The following SLC22A2 variants were observed in gnomAD, a reference collection of about 807,000 sequenced individuals.
SLC22A2 encodes the protein organic cation transporter 2.
In SLC22A2, 46 loss-of-function variants were observed where a neutral mutation model predicts 60.5. The observed-to-expected ratio is 0.76, with a 90% CI of 0.60 to 0.97. The LOEUF (loss-of-function observed/expected upper bound fraction) is 0.97. Ranked by LOEUF, SLC22A2 falls within the 50% of genes least tolerant of loss-of-function variation. The probability of loss-of-function intolerance (pLI) is 0.00; values close to 1 mark genes in which losing one functional copy is unlikely to be tolerated. For missense variants in SLC22A2, 701 were observed against 706.6 expected, an observed-to-expected ratio of 0.99 and a Z score of 0.09; for synonymous variants, 303 against 267.0, an observed-to-expected ratio of 1.13 and a Z score of -1.31.
intron 9 of SLC22A2, among the ~76,000 whole-genome samples, chr6:160,229,187 T>A (rs1284463937): frequency 1.3e-5 from 2 of 151,928 alleles, no homozygotes; most frequent in Non-Finnish European, 2.9e-5. Flanking sequence ...ATCTCACCAA[T>A]TTTAAATCTG....
At chr6:160,242,249 C>T in intron 8 of SLC22A2, 45 bp downstream of exon 8, 1 of 1,042,582 alleles carries the variant, frequency 9.6e-7, no homozygotes, top group Non-Finnish European at 1.5e-6. Context: ...AGCCAATGAA[C>T]AAATGTCTCA....
At chr6:160,231,672 C>G (rs1376129050) in intron 9 of SLC22A2, among the ~76,000 whole-genome samples, 1 of 151,818 alleles carries the variant, frequency 6.6e-6, no homozygotes, top group Non-Finnish European at 1.5e-5. Flanking sequence ...CTATCCACCC[C>G]GAGGTGCCAA....
At chr6:160,225,383 A>G (rs1221092822) in intron 9 of SLC22A2, among the ~76,000 whole-genome samples, 1 of 152,146 alleles carries the variant, frequency 6.6e-6, no homozygotes, top group Non-Finnish European at 1.5e-5. Flanking sequence ...AAAAGTTTTG[A>G]TCTTTTAAAG....
intron 9 of SLC22A2, 69 bp downstream of exon 9, chr6:160,241,405 A>C (rs933154365): frequency 5.3e-6 from 5 of 940,294 alleles, no homozygotes; most frequent in Non-Finnish European, 6.9e-6. Flanking sequence ...TTTTGAATGA[A>C]GTAGAAGAGA....
intron 9 of SLC22A2, among the ~76,000 whole-genome samples, chr6:160,240,798 G>A (rs1282520964): frequency 1.3e-5 from 2 of 152,150 alleles, no homozygotes; most frequent in Non-Finnish European, 2.9e-5. Context: ...AGCTCAGAAT[G>A]GGTGTCAAAG....
intron 9 of SLC22A2, among the ~76,000 whole-genome samples, chr6:160,235,990 C>G (rs1054943565): frequency 6.6e-6 from 1 of 152,096 alleles, no homozygotes; most frequent in Non-Finnish European, 1.5e-5. Context: ...TGTACATTAT[C>G]AGTAATAATT....
In SLC22A2 at chr6:160,245,473, T is replaced by C. The variant is rs1422137545; in HGVS notation, c.1030A>G (p.Ile344Val). The C allele has an allele frequency of 6.2e-7, 1 of 1,606,706 alleles. No homozygotes were observed. The highest frequency in any genetic ancestry group is 8.5e-7 in the Non-Finnish European group (1 of 1,174,948). The change falls in exon 6 of 11, where the codon ATA becomes GTA. Residue 344 changes from isoleucine to valine, a missense_variant. Physicochemically the swap from Ile to Val is conservative, Grantham distance 29. Transcript: ENST00000366953. ...ATCAATATCATAGTATGTTTCCTTA[T>C]CTGAGGAGTTCTGACCAAGTCAAGA... ...SFLDLVRTPQIRKHTMILMYN... is the reference protein window; with the variant it reads ...SFLDLVRTPQVRKHTMILMYN...
Position 160,243,599 on chromosome 6 carries a change from AGG to A in SLC22A2, c.1250_1251del (p.Ala417ValfsTer10). On this transcript the variant is annotated frameshift_variant, in exon 7 of 11. Coordinates refer to ENST00000366953, the MANE Select transcript of SLC22A2 (RefSeq NM_003058.4). LOFTEE classifies it high-confidence loss of function. ...CCAGGTATAAAAACTGAGGCCAGAC[AGG>A]CTGCCCCTGCAACCATATTTGATGC... is the stretch of plus-strand genomic sequence containing the variant. ...WAASNMVAGA[A>X]CLASVFIPGD... 6.2e-7 allele frequency: 1 copy of A among 1,613,902 alleles called. No homozygotes were observed. The highest frequency in any genetic ancestry group is 8.5e-7 in the Non-Finnish European group (1 of 1,179,784).
intron 10 of SLC22A2, among the ~76,000 whole-genome samples, chr6:160,219,659 G>T (rs1782614211): frequency 6.6e-6 from 1 of 151,238 alleles, no homozygotes. Flanking sequence ...ATTTCATAGG[G>T]TTGCTGCAAG....
chr6:160,256,893 TC>T (rs1783282170), intron 1 of SLC22A2, among the ~76,000 whole-genome samples, 176 bp from the exon 2 acceptor site: 6 of 145,770 alleles, frequency 4.1e-5, no homozygotes, highest in African/African-American at 1.0e-4. Flanking sequence ...TCTTCTTCTC[TC>T]TCTCTCTCTT....
intron 8 of SLC22A2, 73 bp from the exon 9 acceptor site, chr6:160,241,659 T>C: frequency 1.1e-6 from 1 of 904,704 alleles, no homozygotes; most frequent in Admixed American, 1.9e-5. Context: ...CACCCCTGAA[T>C]AAACACTTCC....
chr6:160,251,072 C>G (rs1783178864), intron 2 of SLC22A2, among the ~76,000 whole-genome samples: 1 of 152,214 alleles, frequency 6.6e-6, no homozygotes, highest in East Asian at 1.9e-4. Flanking sequence ...GGCCTTTGCA[C>G]TAACAATTTC....
At position 160,218,514 on chromosome 6, in the gene SLC22A2, TAGCAAC is replaced by T. The variant is rs1782579113; in HGVS notation, c.1602-1022_1602-1017del. ...AAAGCAACAGCAGCAACAATAGTAA[TAGCAAC>T]AGCAACAGTAACAGTAGCAGCAACA... On this transcript the variant is annotated intron_variant, in intron 10 of 10. Transcript: ENST00000366953. Among the ~76,000 whole-genome samples the T allele has an allele frequency of 3.2e-4, 3 of 9,496 alleles. No homozygotes were observed. In the Admixed American group the frequency reaches 4.7e-3, roughly 15 times the overall value. 6.2% of individuals were successfully genotyped at this position (9,496 alleles called of 152,430 possible).
intron 9 of SLC22A2, among the ~76,000 whole-genome samples, chr6:160,235,114 A>T (rs1241306748): frequency 6.6e-6 from 1 of 152,194 alleles, no homozygotes; most frequent in Non-Finnish European, 1.5e-5. Context: ...TCCTTTTGGT[A>T]AAACCTCTGT....
intron 9 of SLC22A2, among the ~76,000 whole-genome samples, chr6:160,226,698 A>T (rs1186116144): frequency 3.3e-5 from 5 of 152,118 alleles, no homozygotes; most frequent in African/African-American, 9.7e-5. Context: ...TTAAACTCTT[A>T]AAAAAATTTA....
chr6:160,254,134 T>C (rs1340161243), intron 2 of SLC22A2, among the ~76,000 whole-genome samples: 2 of 151,956 alleles, frequency 1.3e-5, no homozygotes, highest in Non-Finnish European at 2.9e-5. Context: ...AAAAATTAGC[T>C]GGGCATGGTG....
chr6:160,230,030 T>G (rs573927332), intron 9 of SLC22A2, among the ~76,000 whole-genome samples: 1 of 151,776 alleles, frequency 6.6e-6, no homozygotes, highest in African/African-American at 2.4e-5. Context: ...AAATCTTGCT[T>G]CTTTCCCTCC....
Position 160,242,369 on chromosome 6 carries a change from A to C in SLC22A2, c.1313T>G (p.Leu438Trp). 1 of 1,607,606 alleles carries C rather than the reference A, an allele frequency of 6.2e-7. No individual in the cohort carries two copies. The highest frequency in any genetic ancestry group is 8.5e-7 in the Non-Finnish European group (1 of 1,174,074). Residue 438 changes from leucine (L) to tryptophan (W), a missense_variant, in exon 8 of 11, where the codon TTG becomes TGG. By Grantham distance (61) the Leu-to-Trp change is moderately conservative. Transcript: ENST00000366953. ...LQWLKIIISC[L>W]GRMGITMAYE... ...GGCCATTGTGATCCCCATTCTTCCC[A>C]AGCATGAGATAATAATTTTTAGCCA... is the stretch of plus-strand genomic sequence containing the variant.
At chr6:160,253,187 C>G (rs1413509944) in intron 2 of SLC22A2, among the ~76,000 whole-genome samples, 1 of 152,180 alleles carries the variant, frequency 6.6e-6, no homozygotes, top group Non-Finnish European at 1.5e-5. Flanking sequence ...CAGGGATATT[C>G]CATAGGCAGT....
Sources: gnomAD v4.1 joint callset for allele counts (sites outside exome capture counted in the v4.1 genomes callset) on GRCh38, gnomAD v4.1.1 for gene constraint, MANE v1.5 for transcripts, NCBI Gene and HGNC (gene_info 2026-07-23, HGNC 2026-07-21) for gene names.